RBFOX1: variants seen among roughly 807,000 people sequenced by gnomAD.
RBFOX1 encodes RNA binding fox-1 homolog 1.
Under a neutral mutation model 57.7 loss-of-function variants are expected in RBFOX1, and 8 were observed. That is an observed-to-expected ratio of 0.14 (90% CI 0.08 to 0.25). The LOEUF is 0.25. Ranked by LOEUF, RBFOX1 falls within the 10% of genes least tolerant of loss-of-function variation. The pLI is 1.00. For synonymous variants in RBFOX1, 326 were observed against 222.4 expected (o/e 1.47, Z -4.15); for missense variants, 611 against 548.5 (o/e 1.11, Z -1.14).
At chr16:5,876,388 A>C (rs960978712) in intron 4 of RBFOX1, among the ~76,000 whole-genome samples, 3 of 152,126 alleles carry the variant, frequency 2.0e-5, no homozygotes, top group Non-Finnish European at 2.9e-5. Flanking sequence ...ATGAGTCACA[A>C]ATGTAATAGG....
chr16:7,185,564 C>T (rs545888211), intron 4 of RBFOX1, among the ~76,000 whole-genome samples: 4 of 152,308 alleles, frequency 2.6e-5, no homozygotes, highest in African/African-American at 9.6e-5. Context: ...AGATGGGATA[C>T]AGTGGTTTTC....
intron 3 of RBFOX1, among the ~76,000 whole-genome samples, chr16:6,853,225 A>G (rs1321244804): frequency 6.6e-6 from 1 of 152,160 alleles, no homozygotes; most frequent in African/African-American, 2.4e-5. Flanking sequence ...TGTGAGCATT[A>G]ATGATAGTAT....
chr16:7,296,318 T>A (rs1407507925), intron 4 of RBFOX1, among the ~76,000 whole-genome samples: 1 of 151,682 alleles, frequency 6.6e-6, no homozygotes, highest in African/African-American at 2.4e-5. Flanking sequence ...TAAATGCTTA[T>A]GACAGTAGAC....
At chr16:6,854,324 T>C (rs960158783) in intron 3 of RBFOX1, among the ~76,000 whole-genome samples, 10 of 152,220 alleles carry the variant, frequency 6.6e-5, no homozygotes, top group Admixed American at 5.2e-4. Context: ...AAGGAGTCTT[T>C]GGGTACAAAT....
intron 1 of RBFOX1, among the ~76,000 whole-genome samples, chr16:6,067,870 A>G (rs73523822): frequency 6.6e-6 from 1 of 152,208 alleles, no homozygotes; most frequent in African/African-American, 2.4e-5. Context: ...CTAGACACTT[A>G]AGCATATGTG....
intron 2 of RBFOX1, among the ~76,000 whole-genome samples, chr16:6,527,455 A>G (rs1263132128): frequency 1.3e-5 from 2 of 152,134 alleles, no homozygotes; most frequent in African/African-American, 4.8e-5. Context: ...CTATGTTGCC[A>G]GCCTGTGAAA....
At chr16:5,551,383 G>A (rs995808491) in intron 2 of RBFOX1, among the ~76,000 whole-genome samples, 3 of 152,276 alleles carry the variant, frequency 2.0e-5, no homozygotes, top group South Asian at 4.1e-4. Context: ...GTTGTTGGAC[G>A]GGACACAGCC....
At chr16:5,678,927 A>G (rs558983354) in intron 3 of RBFOX1, among the ~76,000 whole-genome samples, 1 of 152,316 alleles carries the variant, frequency 6.6e-6, no homozygotes, top group South Asian at 2.1e-4. Flanking sequence ...GGCTTAATTA[A>G]TGGTAATGCG....
chr16:6,226,770 A>G (rs2097421492), intron 1 of RBFOX1, among the ~76,000 whole-genome samples: 1 of 151,998 alleles, frequency 6.6e-6, no homozygotes, highest in South Asian at 2.1e-4. Flanking sequence ...TGAAGTTGTA[A>G]CAGTATATGC....
At chr16:6,940,740 G>A (rs112544330) in intron 3 of RBFOX1, among the ~76,000 whole-genome samples, 20,594 of 149,596 alleles carry the variant, frequency 0.14, 1,734 homozygotes, top group East Asian at 0.27. Flanking sequence ...TGGGACTACA[G>A]GCGCCCGCCA....
intron 1 of RBFOX1, among the ~76,000 whole-genome samples, chr16:5,322,157 G>T (rs796940239): frequency 6.6e-5 from 10 of 152,296 alleles, no homozygotes; most frequent in African/African-American, 2.2e-4. Flanking sequence ...GTCTTGCTTG[G>T]CTCTTAACAG....
intron 4 of RBFOX1, among the ~76,000 whole-genome samples, chr16:5,890,286 G>T (rs2058015397): frequency 6.6e-6 from 1 of 152,156 alleles, no homozygotes; most frequent in South Asian, 2.1e-4. Flanking sequence ...ACTGGGCAAG[G>T]TGCCTCTTTC....
chr16:7,043,794 C>G (rs944016437), intron 3 of RBFOX1, among the ~76,000 whole-genome samples: 4 of 152,226 alleles, frequency 2.6e-5, no homozygotes, highest in Admixed American at 2.0e-4. Context: ...CCAGTTCCCT[C>G]TTGCACTTGA....
At chr16:6,203,977 T>G (rs2152834915) in intron 1 of RBFOX1, among the ~76,000 whole-genome samples, 1 of 134,834 alleles carries the variant, frequency 7.4e-6, no homozygotes, top group Middle Eastern at 3.6e-3. Context: ...TTCTGTTTTG[T>G]TTCTTTTTTT....
intron 1 of RBFOX1, among the ~76,000 whole-genome samples, chr16:6,022,949 T>C (rs1308358348): frequency 6.6e-6 from 1 of 152,178 alleles, no homozygotes; most frequent in Non-Finnish European, 1.5e-5. Context: ...GTATAGGAGA[T>C]GTCAAGGAGT....
intron 1 of RBFOX1, among the ~76,000 whole-genome samples, chr16:6,105,901 C>G (rs1057241987): frequency 2.6e-5 from 4 of 152,014 alleles, no homozygotes; most frequent in Non-Finnish European, 5.9e-5. Flanking sequence ...AAATATTCTT[C>G]AAAAAGATAA....
intron 4 of RBFOX1, among the ~76,000 whole-genome samples, chr16:7,488,854 T>C (rs951512679): frequency 2.6e-5 from 4 of 152,240 alleles, no homozygotes; most frequent in Non-Finnish European, 5.9e-5. Flanking sequence ...ATTATCTATC[T>C]ATACATTCAT....
At chr16:7,200,720 CAG>C (rs943646610) in intron 4 of RBFOX1, among the ~76,000 whole-genome samples, 12 of 152,178 alleles carry the variant, frequency 7.9e-5, no homozygotes, top group Admixed American at 7.2e-4. Context: ...CTCGGCTTAG[CAG>C]AGAGGGATCC....
chr16:7,022,241 C>T (rs902900676), intron 3 of RBFOX1, among the ~76,000 whole-genome samples: 8 of 150,404 alleles, frequency 5.3e-5, no homozygotes, highest in African/African-American at 1.2e-4. Context: ...TTGGTAGAGA[C>T]GGGATTTCAC....
Sources: gnomAD v4.1 joint callset for allele counts (sites outside exome capture counted in the v4.1 genomes callset) on GRCh38, gnomAD v4.1.1 for gene constraint, MANE v1.5 for transcripts, NCBI Gene and HGNC (gene_info 2026-07-23, HGNC 2026-07-21) for gene names.